The following PRKACA variants were observed in gnomAD, a reference collection of about 807,000 sequenced individuals.
PRKACA encodes the protein protein kinase cAMP-activated catalytic subunit alpha.
PRKACA carries 9 observed loss-of-function variants against 45.8 expected under a neutral mutation model. The ratio of observed to expected loss-of-function variants is 0.20; its 90% CI spans 0.12 to 0.34. The LOEUF is 0.34. Ranked by LOEUF, PRKACA falls within the 10% of genes least tolerant of loss-of-function variation. The probability of loss-of-function intolerance (pLI) is 1.00; values close to 1 mark genes in which losing one functional copy is unlikely to be tolerated. For missense variants in PRKACA, 238 were observed against 458.6 expected (o/e 0.52, Z 4.39); for synonymous variants, 160 against 178.6 (o/e 0.90, Z 0.83).
intron 4 of PRKACA, chr19:14,101,239 G>A: frequency 3.8e-6 from 1 of 260,136 alleles, no homozygotes; most frequent in South Asian, 5.4e-5. Context: ...AATTAGTGGG[G>A]CCCAGAATAA....
At chr19:14,105,821 G>A (rs1311277309) in intron 3 of PRKACA, among the ~76,000 whole-genome samples, 1 of 152,154 alleles carries the variant, frequency 6.6e-6, no homozygotes, top group Non-Finnish European at 1.5e-5. Flanking sequence ...TAGTTACATT[G>A]CTGCTTTATA....
At chr19:14,103,549 G>A (rs963924014) in intron 3 of PRKACA, among the ~76,000 whole-genome samples, 1 of 152,166 alleles carries the variant, frequency 6.6e-6, no homozygotes, top group Non-Finnish European at 1.5e-5. Flanking sequence ...CTTGTCCAAG[G>A]TCACACAGCT....
Position 14,117,628 on chromosome 19 carries a change from G to GGGCGGC in PRKACA, c.-87_-82dup, listed in dbSNP as rs1160438429. On this transcript the variant is annotated 5_prime_UTR_variant, in exon 1 of 10. Coordinates refer to ENST00000308677, the MANE Select transcript of PRKACA (RefSeq NM_002730.4). The stretch of plus-strand genomic sequence containing the variant: ...GCGGCCGGCGGCCCCGGAGCGCGCT[G>GGGCGGC]GGCGGCGGCGGCGGCGGCCCTCGGG... The GGGCGGC allele has an allele frequency of 1.3e-5, 11 of 858,820 alleles. No homozygotes were observed. Among genetic ancestry groups the GGGCGGC allele is most frequent in the African/African-American group, 1.9e-5 (1 of 54,032 alleles). 53.2% of individuals were successfully genotyped at this position (858,820 alleles called of 1,614,324 possible).
At chr19:14,113,073 T>C (rs1395490534) in intron 1 of PRKACA, among the ~76,000 whole-genome samples, 2 of 152,130 alleles carry the variant, frequency 1.3e-5, no homozygotes, top group African/African-American at 2.4e-5. Context: ...TCTGACTCTT[T>C]TGTTTTGCTC....
chr19:14,108,289 G>T, intron 1 of PRKACA: 1 of 340,844 alleles, frequency 2.9e-6, no homozygotes. Context: ...AAAGTGGGGT[G>T]GTTTTGAGGA....
rs375578437 is a variant in PRKACA, at chr19:14,114,180, C to A, written c.46+3322G>T. On this transcript the variant is annotated intron_variant, in intron 1 of 9. Transcript: ENST00000308677. ...TCACTCAGTCCTGTTCTCAGGGCAC[C>A]GGCACTACGGTGGCTGGGAAGGCTC... The A allele has an allele frequency of 2.5e-6, 4 of 1,608,448 alleles. No individual in the cohort carries two copies. In the African/African-American group the frequency reaches 4.0e-5, roughly 16 times the overall value.
Position 14,100,875 on chromosome 19 carries a change from C to T in PRKACA, c.370G>A (p.Val124Met). 6.2e-7 allele frequency: 1 copy of T among 1,614,116 alleles called. No homozygotes were observed. The highest frequency in any genetic ancestry group is 8.5e-7 in the Non-Finnish European group (1 of 1,179,964). The change falls in exon 5 of 10, where the codon GTG becomes ATG. Residue 124 changes from valine (V) to methionine (M), a missense_variant. By Grantham distance (21) the Val-to-Met change is conservative. Transcript: ENST00000308677. ...NSNLYMVMEYVPGGEMFSHLR... is the reference protein window; with the variant it reads ...NSNLYMVMEYMPGGEMFSHLR... Reference sequence around the variant, plus strand: ...TGTGAGAACATCTCCCCGCCGGGCACGTACTCCATGACCATGTATAAGTTT... The same window carrying T: ...TGTGAGAACATCTCCCCGCCGGGCATGTACTCCATGACCATGTATAAGTTT...
intron 3 of PRKACA, among the ~76,000 whole-genome samples, chr19:14,104,012 C>T (rs1333548346): frequency 6.6e-6 from 1 of 152,060 alleles, no homozygotes; most frequent in Non-Finnish European, 1.5e-5. Flanking sequence ...TGCACTTCAG[C>T]CTGGGCAACA....
intron 3 of PRKACA, among the ~76,000 whole-genome samples, chr19:14,105,870 C>A (rs1040150862): frequency 6.6e-6 from 1 of 152,160 alleles, no homozygotes; most frequent in African/African-American, 2.4e-5. Flanking sequence ...AAAATATTTA[C>A]GGGAAGAAAG....
intron 5 of PRKACA, among the ~76,000 whole-genome samples, chr19:14,099,305 CAAAT>C (rs1317863427): frequency 6.6e-6 from 1 of 151,998 alleles, no homozygotes; most frequent in Non-Finnish European, 1.5e-5. Context: ...AAAATAAAAT[CAAAT>C]AAAACTACGT....
chr19:14,115,168 C>T lies in PRKACA; in HGVS notation c.46+2334G>A, dbSNP rs1967082370. ...TCAACGTGTGACATAGTCCCATTGG[C>T]AGAACATGACATGATTTTCGGGATG... On this transcript the variant is annotated intron_variant, in intron 1 of 9. Transcript: ENST00000308677. The T allele has an allele frequency of 1.1e-5, 10 of 935,902 alleles. No homozygotes were observed. In the South Asian group the frequency reaches 3.9e-4, roughly 37 times the overall value. The allele number at this position is 935,902 out of a possible 1,614,324, so 58.0% of individuals were successfully genotyped here. A position where few individuals can be genotyped will look rare whatever the true frequency, so the allele number is the denominator to read the frequency against.
In PRKACA at chr19:14,093,061, CAAAAAAA is replaced by C. The variant is rs754820234; in HGVS notation, c.*44_*50del. The stretch of plus-strand genomic sequence containing the variant: ...AATCCAACCCTCCCACCCCCCCGAC[CAAAAAAA>C]AGAAAAAAGAAAAAAGAAAACCCAT... On this transcript the variant is annotated 3_prime_UTR_variant, in exon 10 of 10. Coordinates refer to ENST00000308677, the MANE Select transcript of PRKACA (RefSeq NM_002730.4). 9 of 1,351,286 alleles carry C rather than the reference CAAAAAAA, an allele frequency of 6.7e-6. No individual in the cohort carries two copies. The highest frequency in any genetic ancestry group is 3.1e-5 in the African/African-American group (2 of 64,288). The allele number at this position is 1,351,286 out of a possible 1,614,324, so 83.7% of individuals were successfully genotyped here.
At chr19:14,105,372 C>T (rs933608063) in intron 3 of PRKACA, among the ~76,000 whole-genome samples, 8 of 151,876 alleles carry the variant, frequency 5.3e-5, no homozygotes, top group African/African-American at 1.5e-4. Flanking sequence ...GTTAGCTGGG[C>T]GTGGTGGTGG....
At chr19:14,107,039 G>T in intron 2 of PRKACA, 151 bp from the exon 3 acceptor site, 1 of 1,032,356 alleles carries the variant, frequency 9.7e-7, no homozygotes, top group African/African-American at 1.6e-5. Flanking sequence ...AAATCAAGAT[G>T]GCAGAGGGCA....
intron 8 of PRKACA, among the ~76,000 whole-genome samples, chr19:14,095,601 C>T (rs1045791944): frequency 1.1e-4 from 16 of 152,228 alleles, no homozygotes; most frequent in African/African-American, 3.9e-4. Flanking sequence ...TCACTACAAC[C>T]TCTGTCTCCC....
At chr19:14,107,871 C>T in intron 1 of PRKACA, 1 of 991,836 alleles carries the variant, frequency 1.0e-6, no homozygotes, top group African/African-American at 1.7e-5. Context: ...CCTTGGCCCC[C>T]AGCTGGCCCT....
intron 1 of PRKACA, among the ~76,000 whole-genome samples, chr19:14,114,821 C>T (rs1320867495): frequency 1.3e-5 from 2 of 152,338 alleles, no homozygotes; most frequent in South Asian, 2.1e-4. Context: ...GATCCCTGGC[C>T]TCTTGGGAGG....
intron 9 of PRKACA, 108 bp from the exon 10 acceptor site, chr19:14,093,345 C>A: frequency 7.1e-7 from 1 of 1,400,998 alleles, no homozygotes; most frequent in Non-Finnish European, 9.8e-7. Flanking sequence ...CTGACTCAGG[C>A]CTGTGCTTAC....
intron 1 of PRKACA, among the ~76,000 whole-genome samples, chr19:14,110,768 T>C (rs1278304688): frequency 1.3e-5 from 2 of 152,146 alleles, no homozygotes; most frequent in Non-Finnish European, 2.9e-5. Context: ...TGGGAGCTGC[T>C]GTTATTCCCA....
Sources: gnomAD v4.1 joint callset for allele counts (sites outside exome capture counted in the v4.1 genomes callset) on GRCh38, gnomAD v4.1.1 for gene constraint, MANE v1.5 for transcripts, NCBI Gene and HGNC (gene_info 2026-07-23, HGNC 2026-07-21) for gene names.